Variants in TTN observed in about 807,000 individuals in gnomAD.
TTN encodes connectin.
TTN carries 1,525 observed loss-of-function variants against 3,223.0 expected under a neutral mutation model. The observed-to-expected ratio is 0.47, with a 90% CI of 0.45 to 0.49. The LOEUF is 0.49. TTN is among the 20% of genes least tolerant of loss of function. TTN has a pLI of 0.00. For missense variants in TTN, 40,786 were observed against 43,424.0 expected, an observed-to-expected ratio of 0.94 and a Z score of 5.40; for synonymous variants, 14,094 against 15,161.0, an observed-to-expected ratio of 0.93 and a Z score of 5.17.
In TTN at chr2:178,562,727, A is replaced by G. The variant is rs887481991; in HGVS notation, c.83405T>C (p.Ile27802Thr). The change falls in exon 326 of 363, where the codon ATT becomes ACT. Residue 27802 changes from isoleucine to threonine, a missense_variant. Transcript: ENST00000589042. ...TCTTGTAGTTTCTCGTTTTTCGACA[A>G]TGTAGTTTGTAATCTTAGCTCCACC... ...IDGGAKITNY[I>T]VEKRETTRKA... 1.9e-6 allele frequency: 3 copies of G among 1,606,518 alleles called. No individual in the cohort carries two copies. Among genetic ancestry groups the G allele is most frequent in the Non-Finnish European group, 2.6e-6 (3 of 1,176,386 alleles).
Position 178,621,006 on chromosome 2 carries a change from G to C in TTN, c.45617-13C>G. ...ATCCTGAGTTTTTCTGAAAGCAACC[G>C]ACAAGACTTTATAGTATGAATAATG... On this transcript the variant is annotated splice_polypyrimidine_tract_variant and intron_variant, in intron 246 of 362. Transcript: ENST00000589042. 1 of 1,607,862 alleles carries C rather than the reference G, an allele frequency of 6.2e-7. No homozygotes were observed. The highest frequency in any genetic ancestry group is 8.5e-7 in the Non-Finnish European group (1 of 1,178,046).
chr2:178,713,387 A>G lies in TTN; in HGVS notation c.26762-15T>C. ...AACGGTTCGGTCTGAATGATACAAA[A>G]CAAAACAAAACAAAACAAAACAAAA... On this transcript the variant is annotated splice_polypyrimidine_tract_variant and intron_variant, in intron 92 of 362. Coordinates refer to ENST00000589042, the MANE Select transcript of TTN (RefSeq NM_001267550.2). 1 of 1,467,040 alleles carries G rather than the reference A, an allele frequency of 6.8e-7. No homozygotes were observed. The highest frequency in any genetic ancestry group is 1.5e-5 in the South Asian group (1 of 68,562). The allele number at this position is 1,467,040 out of a possible 1,614,324, so 90.9% of individuals were successfully genotyped here. A position where few individuals can be genotyped will look rare whatever the true frequency, so the allele number is the denominator to read the frequency against.
At chr2:178,719,476 G>A (rs765104046) in intron 82 of TTN, 25 bp from the exon 83 acceptor site, 65 of 1,597,598 alleles carry the variant, frequency 4.1e-5, no homozygotes, top group African/African-American at 1.7e-4. Flanking sequence ...GTAGTTTTGC[G>A]TTTAAAGAGA....
rs771385085 is a variant in TTN at position 178,770,046 on chromosome 2, T to C, written c.8641+14A>G. The C allele has an allele frequency of 1.9e-6, 3 of 1,614,062 alleles. No homozygotes were observed. In the African/African-American group the frequency reaches 4.0e-5, roughly 22 times the overall value. On this transcript the variant is annotated intron_variant, in intron 36 of 362. Coordinates refer to ENST00000589042, the MANE Select transcript of TTN (RefSeq NM_001267550.2). ...CATTAAGGAAAGGGCTGTAGGGGGC[T>C]GCCTGATACTTACTCTCCACAAACA...
In TTN at chr2:178,775,429, G is replaced by A; in HGVS notation, c.6435C>T (p.Asp2145=). The A allele has an allele frequency of 6.2e-7, 1 of 1,614,062 alleles. No homozygotes were observed. The highest frequency in any genetic ancestry group is 1.1e-5 in the South Asian group (1 of 91,084). The stretch of plus-strand genomic sequence containing the variant: ...TGGCTTTTACCATGATGCTGGCAGA[G>A]TCCTCAGCAGTCACATCTCTTATGA... ...ELVIRDVTAE[D]SASIMVKAIN... Residue 2145 remains aspartate, a synonymous_variant, in exon 28 of 363, where the codon GAC becomes GAT. Coordinates refer to ENST00000589042, the MANE Select transcript of TTN (RefSeq NM_001267550.2).
At position 178,615,770 on chromosome 2, in the gene TTN, C is replaced by T. The variant is rs769898196; in HGVS notation, c.48331G>A (p.Asp16111Asn). The T allele has an allele frequency of 3.1e-6, 5 of 1,611,694 alleles. No individual in the cohort carries two copies. The Admixed American group carries it at 5.0e-5, about 16-fold the overall frequency. Residue 16111 changes from aspartate to asparagine, a missense_variant, in exon 258 of 363, where the codon GAT becomes AAT. By Grantham distance (23) the Asp-to-Asn change is conservative. Transcript: ENST00000589042. ...TWTKVMDFVT[D>N]LEFTVPDLVQ... ...AGATCAGGAACTGTGAATTCTAGAT[C>T]AGTCACAAAGTCCATAACCTGGGAC...
chr2:178,566,330 C>G lies in TTN; in HGVS notation c.79802G>C (p.Gly26601Ala). 2 of 1,613,574 alleles carry G rather than the reference C, an allele frequency of 1.2e-6. No homozygotes were observed. Among genetic ancestry groups the G allele is most frequent in the Non-Finnish European group, 1.7e-6 (2 of 1,179,694 alleles). The change falls in exon 326 of 363, where the codon GGA becomes GCA. Residue 26601 changes from glycine to alanine, a missense_variant. Physicochemically the swap from Gly to Ala is moderately conservative, Grantham distance 60 (BLOSUM62 0). Coordinates refer to ENST00000589042, the MANE Select transcript of TTN (RefSeq NM_001267550.2). ...ELDLDSELRK[G>A]IVVRAGGSAR... ...AGATCCACCAGCTCTTACAACAATT[C>G]CTTTTCTTAATTCGGAGTCAAGGTC...
chr2:178,611,305 A>G, intron 269 of TTN, 34 bp from the exon 270 acceptor site: 2 of 1,610,802 alleles, frequency 1.2e-6, no homozygotes, highest in South Asian at 2.2e-5. Context: ...CAAAAAACAG[A>G]GTATGTCAAA....
At position 178,694,016 on chromosome 2, in the gene TTN, G is replaced by C; in HGVS notation, c.31427-8C>G. 1 of 1,603,930 alleles carries C rather than the reference G, an allele frequency of 6.2e-7. No individual in the cohort carries two copies. Among genetic ancestry groups the C allele is most frequent in the Non-Finnish European group, 8.5e-7 (1 of 1,173,180 alleles). ...TTGTATGCACAGCTGGTACTTTAAAGAGAGTATTTCACATTAGTATTCCTT... is the reference window on the plus strand; with the variant it reads ...TTGTATGCACAGCTGGTACTTTAAACAGAGTATTTCACATTAGTATTCCTT... On this transcript the variant is annotated splice_polypyrimidine_tract_variant and splice_region_variant and intron_variant, in intron 117 of 362. Transcript: ENST00000589042.
At position 178,748,345 on chromosome 2, in the gene TTN, T is replaced by C. The variant is rs1466986172; in HGVS notation, c.11311+4779A>G. The C allele has an allele frequency of 2.5e-6, 4 of 1,613,184 alleles. No homozygotes were observed. Among genetic ancestry groups the C allele is most frequent in the Admixed American group, 3.3e-5 (2 of 59,918 alleles). ...CAATACTACTTTTCTCCACCATAGT[T>C]CTATTTGAAAGCTCTTGACTGGAAG... is the stretch of plus-strand genomic sequence containing the variant. On this transcript the variant is annotated intron_variant, in intron 47 of 362. Transcript: ENST00000589042.
At position 178,730,789 on chromosome 2, in the gene TTN, A is replaced by G; in HGVS notation, c.17744T>C (p.Leu5915Pro). ...TTTGGTGAATGAAGGAGGTATGATA[A>G]GATCTATTCAATGAAAAAGCAAACA... Reference protein sequence around the residue: ...SCKARINVLDLIIPPSFTKKL... With the variant: ...SCKARINVLDPIIPPSFTKKL... The change falls in exon 61 of 363, where the codon CTT (leucine) becomes CCT (proline). Residue 5915 changes from leucine to proline, a missense_variant. Coordinates refer to ENST00000589042, the MANE Select transcript of TTN (RefSeq NM_001267550.2). The G allele has an allele frequency of 6.4e-7, 1 of 1,567,420 alleles. No individual in the cohort carries two copies. Among genetic ancestry groups the G allele is most frequent in the South Asian group, 1.2e-5 (1 of 83,396 alleles).
rs753537435 is a variant in TTN at position 178,588,130 on chromosome 2, C to T, written c.63277G>A (p.Gly21093Ser). The part of the protein sequence containing the change: ...LGWGKPVYDG[G>S]APIIGYVVEM... ...ACAACATATCCAATGATCGGTGCACCACCATCATAGACTGGTTTTCCCCAC... is the reference window on the plus strand; with the variant it reads ...ACAACATATCCAATGATCGGTGCACTACCATCATAGACTGGTTTTCCCCAC... The change falls in exon 305 of 363, where the codon GGT becomes AGT. Residue 21093 changes from glycine to serine, a missense_variant. Coordinates refer to ENST00000589042, the MANE Select transcript of TTN (RefSeq NM_001267550.2). The T allele has an allele frequency of 6.2e-7, 1 of 1,612,578 alleles. No individual in the cohort carries two copies. The highest frequency in any genetic ancestry group is 1.1e-5 in the South Asian group (1 of 90,980).
At position 178,534,289 on chromosome 2, in the gene TTN, G is replaced by A. The variant is rs1475114423; in HGVS notation, c.102326C>T (p.Ala34109Val). ...AATTGCACCACCACAGGAGATCCGG[G>A]CTGCTGACACAACCATGTTGAGGTC... ...KKDLNMVVSA[A>V]RISCGGAIRS... Residue 34109 changes from alanine (A) to valine (V), a missense_variant, in exon 358 of 363, where the codon GCC becomes GTC. Physicochemically the swap from Ala to Val is moderately conservative, Grantham distance 64. Coordinates refer to ENST00000589042, the MANE Select transcript of TTN (RefSeq NM_001267550.2). 1.2e-6 allele frequency: 2 copies of A among 1,613,836 alleles called. No homozygotes were observed. The highest frequency in any genetic ancestry group is 1.7e-4 in the Middle Eastern group (1 of 6,060).
intron 97 of TTN, 59 bp downstream of exon 97, chr2:178,711,003 A>C: frequency 1.3e-6 from 2 of 1,546,198 alleles, no homozygotes; most frequent in South Asian, 1.3e-5. Flanking sequence ...TTTCTCCCTA[A>C]GTTCATATTT....
chr2:178,763,282 A>G (rs902273538), intron 43 of TTN, among the ~76,000 whole-genome samples: 19 of 152,216 alleles, frequency 1.2e-4, no homozygotes, highest in Non-Finnish European at 2.4e-4. Flanking sequence ...CTTGAGAAGC[A>G]TGCCCCAATT....
rs752214647 is a variant in TTN at position 178,784,343 on chromosome 2, T to C, written c.2502A>G (p.Ile834Met). The part of the protein sequence containing the change: ...PKTEHGYEAS[I>M]AGSAIATLQK... ...GTAATGTGGCAATAGCACTACCGGCTATTGATGCCTACATGGAAACAGAGT... is the reference window on the plus strand; with the variant it reads ...GTAATGTGGCAATAGCACTACCGGCCATTGATGCCTACATGGAAACAGAGT... The change falls in exon 16 of 363, where the codon ATA (isoleucine) becomes ATG (methionine). Residue 834 changes from isoleucine to methionine, a missense_variant. Physicochemically the swap from Ile to Met is conservative, Grantham distance 10 (BLOSUM62 1). Transcript: ENST00000589042. 2 of 1,614,078 alleles carry C rather than the reference T, an allele frequency of 1.2e-6. No individual in the cohort carries two copies. Among genetic ancestry groups the C allele is most frequent in the Non-Finnish European group, 1.7e-6 (2 of 1,179,998 alleles).
Position 178,649,185 on chromosome 2 carries a change from G to T in TTN, c.40057+63C>A, listed in dbSNP as rs1016178830. 26 of 1,198,484 alleles carry T rather than the reference G, an allele frequency of 2.2e-5. No individual in the cohort carries two copies. The African/African-American group carries it at 2.9e-4, about 13-fold the overall frequency. The allele number at this position is 1,198,484 out of a possible 1,614,324, so 74.2% of individuals were successfully genotyped here. ...TCACATTCAGTATGTTTTTCTCTAAGACCTATTATTAACATGCTTAAATAG... is the reference window on the plus strand; with the variant it reads ...TCACATTCAGTATGTTTTTCTCTAATACCTATTATTAACATGCTTAAATAG... On this transcript the variant is annotated intron_variant, in intron 213 of 362. Transcript: ENST00000589042.
In TTN at chr2:178,746,369, A is replaced by G. The variant is rs755698296; in HGVS notation, c.11312-4448T>C. ...AAATGGAAGAACATCTAGACTCACAATCATACTTTTATGGTCAGGAGTAAA... is the reference window on the plus strand; with the variant it reads ...AAATGGAAGAACATCTAGACTCACAGTCATACTTTTATGGTCAGGAGTAAA... On this transcript the variant is annotated intron_variant, in intron 47 of 362. Transcript: ENST00000589042. The G allele has an allele frequency of 1.9e-6, 3 of 1,611,682 alleles. No individual in the cohort carries two copies. In the South Asian group the frequency reaches 3.3e-5, roughly 18 times the overall value.
intron 43 of TTN, chr2:178,761,147 T>C (rs907295817): frequency 2.0e-5 from 3 of 151,086 alleles, no homozygotes; most frequent in East Asian, 3.9e-4. Context: ...ACTTCTGCAA[T>C]ACCCCACTTG....
Sources: allele counts gnomAD v4.1 joint callset (sites outside exome capture counted in the v4.1 genomes callset), GRCh38; gene constraint gnomAD v4.1.1; transcripts MANE v1.5; gene names NCBI Gene and HGNC (gene_info 2026-07-23, HGNC 2026-07-21).